TMLHE: variants seen among roughly 807,000 people sequenced by gnomAD.
TMLHE encodes trimethyllysine hydroxylase, epsilon.
Under a neutral mutation model 25.7 loss-of-function variants are expected in TMLHE, and 18 were observed. That is an observed-to-expected ratio of 0.70 (90% CI 0.48 to 1.04). The LOEUF is 1.04. Among genes scored for constraint, TMLHE ranks in the 50% least tolerant of loss-of-function variants. The pLI is 0.00. For synonymous variants in TMLHE, 105 were observed against 97.0 expected (o/e 1.08, Z -0.49); for missense variants, 236 against 259.0 (o/e 0.91, Z 0.61).
At chrX:155,589,171 G>A (rs1191914822) in intron 1 of TMLHE, among the ~76,000 whole-genome samples, 4 of 111,963 alleles carry the variant, frequency 3.6e-5, no homozygotes, top group African/African-American at 1.3e-4. Flanking sequence ...AAATCGGCTG[G>A]GTGTGGTGGC....
chrX:155,568,947 C>T (rs1431263362), intron 1 of TMLHE, among the ~76,000 whole-genome samples: 1 of 62,168 alleles, frequency 1.6e-5, no homozygotes, highest in African/African-American at 3.6e-5. Context: ...TCCAAAGGAA[C>T]ACAGTTCCTC....
Position 155,511,714 on chromosome X carries a change from C to T in TMLHE, c.717G>A (p.Leu239=), listed in dbSNP as rs1334326780. ...AATAGGTAGTGTCAGTGTGCCGATC[C>T]AGAGCTAGCTTGGTGTACGCAGTGT... ...RGDTAYTKLA[L]DRHTDTTYFQ... Residue 239 remains leucine (L), a synonymous_variant, in exon 5 of 8, where the codon CTG becomes CTA. Transcript: ENST00000334398. The T allele has an allele frequency of 8.3e-7, 1 of 1,201,526 alleles. No homozygotes were observed. Among genetic ancestry groups the T allele is most frequent in the Non-Finnish European group, 1.1e-6 (1 of 889,779 alleles).
intron 1 of TMLHE, among the ~76,000 whole-genome samples, chrX:155,585,999 C>T (rs1010425859): frequency 3.6e-5 from 4 of 110,759 alleles, no homozygotes; most frequent in South Asian, 7.5e-4. Context: ...CCGAGGCGGG[C>T]GGATCACCTG....
At chrX:155,559,709 T>A (rs2067481597) in intron 1 of TMLHE, among the ~76,000 whole-genome samples, 1 of 112,300 alleles carries the variant, frequency 8.9e-6, no homozygotes, top group African/African-American at 3.2e-5. Flanking sequence ...ATTTAGCTCC[T>A]GTCAATTTTT....
chrX:155,569,638 C>T lies in TMLHE; in HGVS notation c.-1-24361G>A, dbSNP rs1396776596. On this transcript the variant is annotated intron_variant, in intron 1 of 7. Transcript: ENST00000334398. ...CCCATCAGACTAACAGTGGATCTCT[C>T]GGCAGAAACCCTACAAGCCAGAAGA... Among the ~76,000 whole-genome samples, 7 of 55,448 alleles carry T rather than the reference C, an allele frequency of 1.3e-4. 2 individuals are homozygous for T. Among genetic ancestry groups the T allele is most frequent in the Non-Finnish European group, 1.9e-4 (4 of 21,395 alleles). 48.1% of individuals were successfully genotyped at this position (55,448 alleles called of 115,157 possible). A position where few individuals can be genotyped will look rare whatever the true frequency, so the allele number is the denominator to read the frequency against.
chrX:155,582,261 T>A lies in TMLHE; in HGVS notation c.-2+30531A>T, dbSNP rs181794094. ...GGCAATACCATTCAGGACATAGGCA[T>A]GGGCAAGGACTTCATGACTAAAACA... On this transcript the variant is annotated intron_variant, in intron 1 of 7. Coordinates refer to ENST00000334398, the MANE Select transcript of TMLHE (RefSeq NM_018196.4). 7.1e-5 allele frequency among the ~76,000 whole-genome samples: 8 copies of A among 112,079 alleles called. No homozygotes were observed. In the East Asian group the frequency reaches 2.2e-3, roughly 31 times the overall value.
At chrX:155,578,127 G>A (rs1557344047) in intron 1 of TMLHE, among the ~76,000 whole-genome samples, 2 of 111,776 alleles carry the variant, frequency 1.8e-5, no homozygotes, top group South Asian at 7.5e-4. Flanking sequence ...TAGTGCTGCT[G>A]TAGGCTGTAG....
At chrX:155,534,161 T>G (rs1347977492) in intron 2 of TMLHE, among the ~76,000 whole-genome samples, 1 of 111,393 alleles carries the variant, frequency 9.0e-6, no homozygotes, top group Non-Finnish European at 1.9e-5. Flanking sequence ...TTGAAAGAGT[T>G]GTGCATGTGC....
At chrX:155,602,083 T>C (rs782536055) in intron 1 of TMLHE, among the ~76,000 whole-genome samples, 1 of 111,183 alleles carries the variant, frequency 9.0e-6, no homozygotes, top group Non-Finnish European at 1.9e-5. Flanking sequence ...AAATACATTA[T>C]AAGAAAAGAA....
intron 3 of TMLHE, chrX:155,524,183 A>G: frequency 4.1e-6 from 1 of 246,806 alleles, no homozygotes; most frequent in Non-Finnish European, 7.2e-6. Flanking sequence ...GTGAGAGTGG[A>G]TGTTAAATAA....
At chrX:155,577,536 C>T (rs1557343950) in intron 1 of TMLHE, among the ~76,000 whole-genome samples, 1 of 108,045 alleles carries the variant, frequency 9.3e-6, no homozygotes, top group African/African-American at 3.4e-5. Context: ...GCTGAGATCA[C>T]ACCACGGTGC....
At chrX:155,570,642 G>A (rs1304918304) in intron 1 of TMLHE, among the ~76,000 whole-genome samples, 1 of 57,181 alleles carries the variant, frequency 1.7e-5, no homozygotes, top group Non-Finnish European at 4.5e-5. Flanking sequence ...CTGTCTCTCA[G>A]ACCACAGTGC....
At chrX:155,530,918 A>T (rs782292395) in intron 2 of TMLHE, among the ~76,000 whole-genome samples, 7 of 112,437 alleles carry the variant, frequency 6.2e-5, no homozygotes, top group Non-Finnish European at 1.3e-4. Context: ...TAAAACCCCC[A>T]TGCATCTGGG....
chrX:155,587,317 C>T (rs1328408089), intron 1 of TMLHE, among the ~76,000 whole-genome samples: 1 of 111,814 alleles, frequency 8.9e-6, no homozygotes, highest in Non-Finnish European at 1.9e-5. Context: ...ATTCAACGTC[C>T]TTTCATGATA....
At chrX:155,525,593 T>C (rs2067215233) in intron 2 of TMLHE, among the ~76,000 whole-genome samples, 1 of 111,761 alleles carries the variant, frequency 8.9e-6, no homozygotes. Flanking sequence ...TGGAACAGTT[T>C]GGAGGGCTCA....
chrX:155,548,747 G>C (rs1310213348), intron 1 of TMLHE, among the ~76,000 whole-genome samples: 3 of 106,531 alleles, frequency 2.8e-5, no homozygotes, highest in Non-Finnish European at 3.9e-5. Flanking sequence ...AAAAAAAAAA[G>C]ACATCCTACA....
intron 2 of TMLHE, among the ~76,000 whole-genome samples, chrX:155,543,101 A>G (rs782471948): frequency 1.8e-5 from 2 of 111,588 alleles, no homozygotes; most frequent in African/African-American, 6.5e-5. Flanking sequence ...TTAGCCATTC[A>G]GGGTCTTAAG....
At chrX:155,524,932 T>G (rs782608747) in intron 2 of TMLHE, among the ~76,000 whole-genome samples, 1 of 111,981 alleles carries the variant, frequency 8.9e-6, no homozygotes, top group South Asian at 3.7e-4. Context: ...AAAAATGAAT[T>G]TTTTAAATAA....
intron 1 of TMLHE, among the ~76,000 whole-genome samples, chrX:155,567,531 A>G (rs1557342256): frequency 3.2e-5 from 2 of 62,134 alleles, no homozygotes; most frequent in African/African-American, 7.2e-5. Flanking sequence ...CTGAGTGAGG[A>G]GTTCAATAAA....
Sources: gnomAD v4.1 joint callset for allele counts (sites outside exome capture counted in the v4.1 genomes callset) on GRCh38, gnomAD v4.1.1 for gene constraint, MANE v1.5 for transcripts, NCBI Gene and HGNC (gene_info 2026-07-23, HGNC 2026-07-21) for gene names.